Variants in PTGFRN observed in about 807,000 individuals in gnomAD.
PTGFRN encodes prostaglandin F2 receptor inhibitor.
In PTGFRN, 35 loss-of-function variants were observed where a neutral mutation model predicts 83.2. The ratio of observed to expected loss-of-function variants is 0.42; its 90% CI spans 0.32 to 0.56. The LOEUF (loss-of-function observed/expected upper bound fraction) is 0.56, where lower values mean the gene tolerates loss of function less well. Among genes scored for constraint, PTGFRN ranks in the 20% least tolerant of loss-of-function variants. The pLI is 0.11. For missense variants in PTGFRN, 1,051 were observed against 1,179.5 expected (o/e 0.89, Z 1.60); for synonymous variants, 519 against 498.6 (o/e 1.04, Z -0.55).
chr1:116,934,213 A>G (rs188248461), intron 1 of PTGFRN, among the ~76,000 whole-genome samples: 10 of 152,146 alleles, frequency 6.6e-5, no homozygotes, highest in Middle Eastern at 3.4e-3. Context: ...TGGCACAGTC[A>G]TGGCTCACTG....
chr1:116,970,312 T>C (rs1030691620), intron 6 of PTGFRN, among the ~76,000 whole-genome samples: 1 of 152,202 alleles, frequency 6.6e-6, no homozygotes, highest in Non-Finnish European at 1.5e-5. Context: ...AGTTTTTTTT[T>C]CATTCCTAGT....
At position 116,989,880 on chromosome 1, in the gene PTGFRN, G is replaced by T. The variant is rs1651664813; in HGVS notation, c.*2913G>T. ...GCTCCCTGAGATCTTGGTAGAGGAG[G>T]CCCCTCCTGCCCAGACCTTCGTTTG... On this transcript the variant is annotated 3_prime_UTR_variant, in exon 9 of 9. Transcript: ENST00000393203. The T allele has an allele frequency of 6.6e-6, 1 of 152,520 alleles. No individual in the cohort carries two copies. The highest frequency in any genetic ancestry group is 2.4e-5 in the African/African-American group (1 of 41,418). The allele number at this position is 152,520 out of a possible 1,614,324, so 9.4% of individuals were successfully genotyped here.
At chr1:116,942,823 C>G (rs1650094555) in intron 2 of PTGFRN, among the ~76,000 whole-genome samples, 1 of 152,128 alleles carries the variant, frequency 6.6e-6, no homozygotes, top group African/African-American at 2.4e-5. Flanking sequence ...TTTAGATTTA[C>G]TCACACATTC....
chr1:116,938,010 C>T (rs771062843), intron 1 of PTGFRN, among the ~76,000 whole-genome samples: 13 of 152,264 alleles, frequency 8.5e-5, no homozygotes, highest in South Asian at 6.2e-4. Flanking sequence ...AAAGAGTCTC[C>T]ACCATGATGC....
chr1:116,915,723 G>A (rs904640892), intron 1 of PTGFRN, among the ~76,000 whole-genome samples: 1 of 152,214 alleles, frequency 6.6e-6, no homozygotes, highest in Non-Finnish European at 1.5e-5. Flanking sequence ...GTTAAATAAG[G>A]TGTGTGCTTG....
intron 1 of PTGFRN, among the ~76,000 whole-genome samples, chr1:116,921,120 G>A (rs1362009563): frequency 6.6e-6 from 1 of 152,208 alleles, no homozygotes; most frequent in Non-Finnish European, 1.5e-5. Flanking sequence ...TTATGTGTAT[G>A]AGCTCAGTCC....
At chr1:116,973,245 G>A (rs1467330587) in intron 6 of PTGFRN, among the ~76,000 whole-genome samples, 1 of 152,078 alleles carries the variant, frequency 6.6e-6, no homozygotes, top group East Asian at 1.9e-4. Flanking sequence ...AGCAGTTTTA[G>A]GTTCCCAGCT....
At chr1:116,948,117 T>C (rs1650248206) in intron 3 of PTGFRN, among the ~76,000 whole-genome samples, 1 of 152,216 alleles carries the variant, frequency 6.6e-6, no homozygotes, top group South Asian at 2.1e-4. Flanking sequence ...GCCAGCGACT[T>C]GCTAGAAGGC....
intron 1 of PTGFRN, among the ~76,000 whole-genome samples, chr1:116,930,454 C>G (rs1211544539): frequency 6.6e-6 from 1 of 152,230 alleles, no homozygotes; most frequent in Non-Finnish European, 1.5e-5. Flanking sequence ...TTACCCCCCA[C>G]TCCCTCCGTG....
chr1:116,948,547 T>TC (rs1282085857), intron 3 of PTGFRN, among the ~76,000 whole-genome samples: 1 of 152,226 alleles, frequency 6.6e-6, no homozygotes, highest in East Asian at 1.9e-4. Flanking sequence ...TGGTTTCACT[T>TC]TCCTGGCCCT....
intron 5 of PTGFRN, 36 bp from the exon 6 acceptor site, chr1:116,966,875 T>C (rs199701363): frequency 1.3e-6 from 2 of 1,542,356 alleles, no homozygotes. Flanking sequence ...TAACTGATCT[T>C]GTTGGAAATC....
At chr1:116,911,258 C>G (rs1254678839) in intron 1 of PTGFRN, among the ~76,000 whole-genome samples, 1 of 152,198 alleles carries the variant, frequency 6.6e-6, no homozygotes, top group East Asian at 1.9e-4. Flanking sequence ...GCCTGGGGTT[C>G]TCTTCCAAGC....
At chr1:116,953,896 A>G (rs1175769327) in intron 4 of PTGFRN, among the ~76,000 whole-genome samples, 1 of 142,090 alleles carries the variant, frequency 7.0e-6, no homozygotes, top group Non-Finnish European at 1.5e-5. Context: ...TCTGTCGCCC[A>G]GGCTGGAGTG....
chr1:116,977,466 AT>A (rs1169005464), intron 7 of PTGFRN, among the ~76,000 whole-genome samples: 1 of 152,202 alleles, frequency 6.6e-6, no homozygotes, highest in Non-Finnish European at 1.5e-5. Flanking sequence ...TACTTCCAAA[AT>A]AGTTGGAAGT....
At chr1:116,963,947 G>T (rs573919867) in intron 5 of PTGFRN, among the ~76,000 whole-genome samples, 1 of 151,922 alleles carries the variant, frequency 6.6e-6, no homozygotes, top group South Asian at 2.1e-4. Context: ...ATCATGCCTG[G>T]CTATTTTTTT....
At chr1:116,976,391 C>T (rs963103197) in intron 7 of PTGFRN, among the ~76,000 whole-genome samples, 10 of 152,060 alleles carry the variant, frequency 6.6e-5, no homozygotes, top group East Asian at 5.8e-4. Context: ...AGATACTCCT[C>T]GAGAAGAGGA....
intron 6 of PTGFRN, among the ~76,000 whole-genome samples, chr1:116,971,593 A>G (rs1650993378): frequency 6.6e-6 from 1 of 152,212 alleles, no homozygotes; most frequent in East Asian, 1.9e-4. Context: ...AGCCTGGGAT[A>G]ATGACCCATA....
rs527726631 is a variant in PTGFRN at position 116,949,339 on chromosome 1, G to C, written c.980G>C (p.Gly327Ala). 5.7e-4 allele frequency: 919 copies of C among 1,614,272 alleles called. 12 individuals carry two copies. The South Asian group carries it at 8.9e-3, about 16-fold the overall frequency. The change falls in exon 4 of 9, where the codon GGC becomes GCC. Residue 327 changes from glycine (G) to alanine (A), a missense_variant. Gly to Ala is a moderately conservative substitution (Grantham distance 60). Transcript: ENST00000393203. ...AGGATGCCTGACAGCACCCTACCTG[G>C]CTCCCGCGTGTTGGCGCGGCTTGAC... ...FSRMPDSTLP[G>A]SRVLARLDRD... is the part of the protein sequence containing the mutation.
intron 1 of PTGFRN, among the ~76,000 whole-genome samples, chr1:116,911,887 A>G (rs1465420718): frequency 1.3e-5 from 2 of 152,174 alleles, no homozygotes; most frequent in Admixed American, 1.3e-4. Flanking sequence ...TATAGTCCAC[A>G]CACATTAATT....
Sources: gnomAD v4.1 joint callset for allele counts (sites outside exome capture counted in the v4.1 genomes callset) on GRCh38, gnomAD v4.1.1 for gene constraint, MANE v1.5 for transcripts, NCBI Gene and HGNC (gene_info 2026-07-23, HGNC 2026-07-21) for gene names.